Variants in KIF22 observed in about 807,000 individuals in gnomAD.
KIF22 encodes kinesin family member 22.
KIF22 carries 62 observed loss-of-function variants against 73.0 expected under a neutral mutation model. The observed-to-expected ratio is 0.85, with a 90% confidence interval of 0.69 to 1.05. The LOEUF (loss-of-function observed/expected upper bound fraction) is 1.05, where lower values mean the gene tolerates loss of function less well. Ranked by LOEUF, KIF22 falls within the 50% of genes least tolerant of loss-of-function variation. The pLI, the probability that KIF22 is intolerant of heterozygous loss-of-function variation, is 0.00. For synonymous variants in KIF22, 411 were observed against 340.1 expected, an observed-to-expected ratio of 1.21 and a Z score of -2.29; for missense variants, 854 against 870.1, an observed-to-expected ratio of 0.98 and a Z score of 0.23.
rs148950970 is a variant in KIF22 at position 29,791,163 on chromosome 16, T to C, written c.70+334T>C. The C allele has an allele frequency of 3.2e-3, 3,844 of 1,215,592 alleles. 70 individuals are homozygous for C. The Admixed American group carries it at 0.061, about 19-fold the overall frequency. The allele number at this position is 1,215,592 out of a possible 1,614,324, so 75.3% of individuals were successfully genotyped here. On this transcript the variant is annotated intron_variant, in intron 1 of 13. Coordinates refer to ENST00000160827, the MANE Select transcript of KIF22 (RefSeq NM_007317.3). The stretch of plus-strand genomic sequence containing the variant: ...GCCTCATCCCTGGAGATCACCTGAA[T>C]AAGCAAGAGAAGAGTGGCGGACGCT...
At chr16:29,793,752 TGTCA>T (rs1596842196) in intron 1 of KIF22, among the ~76,000 whole-genome samples, 1 of 151,982 alleles carries the variant, frequency 6.6e-6, no homozygotes, top group East Asian at 1.9e-4. Flanking sequence ...CAGCCCGAAA[TGTCA>T]GTAGTGCTGA....
At position 29,798,496 on chromosome 16, in the gene KIF22, G is replaced by T. The variant is rs753637180; in HGVS notation, c.389G>T (p.Gly130Val). 1.2e-6 allele frequency: 2 copies of T among 1,614,198 alleles called. No individual in the cohort carries two copies. The highest frequency in any genetic ancestry group is 2.2e-5 in the East Asian group (1 of 44,886). The change falls in exon 3 of 14, where the codon GGA (glycine) becomes GTA (valine). Residue 130 changes from glycine (G) to valine (V), a missense_variant. This residue lies in a region of KIF22 where 245 missense variants were observed against 351.8 expected (regional missense o/e 0.70). Transcript: ENST00000160827. The surrounding 1 kb of genome is among the most constrained non-coding windows in gnomAD (Gnocchi z 4.1). ...NASVLAYGPT[G>V]AGKTHTMLGS... ...AGTGTGCTTGCCTATGGACCCACAGGAGCTGGTGAGGGAGCCAGAAAAGAA... is the reference window on the plus strand; with the variant it reads ...AGTGTGCTTGCCTATGGACCCACAGTAGCTGGTGAGGGAGCCAGAAAAGAA...
chr16:29,804,863 G>GGGAGCTACAGATCAGCCC lies in KIF22; in HGVS notation c.1736_1753dup (p.Gln579_Leu584dup). 1.9e-6 allele frequency: 3 copies of GGGAGCTACAGATCAGCCC among 1,613,722 alleles called. No individual in the cohort carries two copies. The highest frequency in any genetic ancestry group is 2.5e-6 in the Non-Finnish European group (3 of 1,179,896). ...CCTGAGGAGAAGGCTGAGGACTGCTGGGAGCTACAGATCAGCCCGGAGCTA... is the reference window on the plus strand; with the variant it reads ...CCTGAGGAGAAGGCTGAGGACTGCTGGGAGCTACAGATCAGCCCGGAGCTACAGATCAGCCCGGAGCTA... On this transcript the variant is annotated inframe_insertion, in exon 12 of 14. Coordinates refer to ENST00000160827, the MANE Select transcript of KIF22 (RefSeq NM_007317.3).
rs1899076553 is a variant in KIF22 at position 29,799,914 on chromosome 16, C to T, written c.1146C>T (p.Ala382=). The T allele has an allele frequency of 6.2e-7, 1 of 1,614,052 alleles. No individual in the cohort carries two copies. The highest frequency in any genetic ancestry group is 8.5e-7 in the Non-Finnish European group (1 of 1,179,950). The change falls in exon 8 of 14, where the codon GCC becomes GCT. Residue 382 remains alanine, a splice_region_variant and synonymous_variant. Coordinates refer to ENST00000160827, the MANE Select transcript of KIF22 (RefSeq NM_007317.3). ...CCACCCCATCCTCCAATCATCTAGC[C>T]TTGGGACCTGTTAAGCTGTCTCAGA... ...PFTNESLQPH[A]LGPVKLSQKE...
At chr16:29,793,452 G>A (rs1898870541) in intron 1 of KIF22, among the ~76,000 whole-genome samples, 1 of 152,124 alleles carries the variant, frequency 6.6e-6, no homozygotes, top group African/African-American at 2.4e-5. Flanking sequence ...GGAGCCGTCA[G>A]GGCAGCCGTT....
intron 10 of KIF22, 134 bp from the exon 11 acceptor site, chr16:29,803,864 G>C: frequency 1.4e-6 from 1 of 735,766 alleles, no homozygotes; most frequent in Non-Finnish European, 2.4e-6. Flanking sequence ...TATAAAAAAG[G>C]TCATGTGGAA....
Position 29,798,912 on chromosome 16 carries a change from T to C in KIF22, c.550-63T>C. 4.5e-6 allele frequency: 7 copies of C among 1,572,300 alleles called. No individual in the cohort carries two copies. In the South Asian group the frequency reaches 5.6e-5, roughly 12 times the overall value. ...CGAGAATAGAACAGAGAAAGGAAACTGATCCCCAGGAAGAAACAGCCTCTC... is the reference window on the plus strand; with the variant it reads ...CGAGAATAGAACAGAGAAAGGAAACCGATCCCCAGGAAGAAACAGCCTCTC... On this transcript the variant is annotated intron_variant, in intron 4 of 13. Coordinates refer to ENST00000160827, the MANE Select transcript of KIF22 (RefSeq NM_007317.3). The surrounding 1 kb of genome is among the most constrained non-coding windows in gnomAD (Gnocchi z 4.1).
chr16:29,802,123 T>A (rs979729438), intron 8 of KIF22, among the ~76,000 whole-genome samples: 2 of 151,716 alleles, frequency 1.3e-5, no homozygotes, highest in African/African-American at 4.8e-5. Context: ...AAAAATTAGC[T>A]GGGCATGGTG....
At position 29,804,659 on chromosome 16, in the gene KIF22, CAG is replaced by C. The variant is rs558192153; in HGVS notation, c.1678-150_1678-149del. On this transcript the variant is annotated intron_variant, in intron 11 of 13. Transcript: ENST00000160827. ...ACTAGTTGCATAATAAGAATTAACC[CAG>C]AGAGTGACCTGAGGGCGGGATTTTG... 2.7e-4 allele frequency: 189 copies of C among 709,844 alleles called. 2 individuals are homozygous for C. In the African/African-American group the frequency reaches 3.0e-3, roughly 11 times the overall value. 44.0% of individuals were successfully genotyped at this position (709,844 alleles called of 1,614,324 possible).
At position 29,798,688 on chromosome 16, in the gene KIF22, G is replaced by A. The variant is rs200923972; in HGVS notation, c.490G>A (p.Glu164Lys). 43 of 1,614,194 alleles carry A rather than the reference G, an allele frequency of 2.7e-5. No homozygotes were observed. Among genetic ancestry groups the A allele is most frequent in the Middle Eastern group, 3.3e-4 (2 of 6,062 alleles). The change falls in exon 4 of 14, where the codon GAG becomes AAG. Residue 164 changes from glutamate to lysine, a missense_variant. Physicochemically the swap from Glu to Lys is moderately conservative, Grantham distance 56. This residue lies in a region of KIF22 where 245 missense variants were observed against 351.8 expected (regional missense o/e 0.70). Coordinates refer to ENST00000160827, the MANE Select transcript of KIF22 (RefSeq NM_007317.3). This position sits in a 1 kb window ranked among gnomAD's most constrained non-coding sequence, Gnocchi z 4.1. ...LLQLTREEGA[E>K]GRPWALSVTM... ...GCAGCTCACAAGGGAGGAGGGTGCCGAGGGCCGGCCATGGGCCCTTTCTGT... is the reference window on the plus strand; with the variant it reads ...GCAGCTCACAAGGGAGGAGGGTGCCAAGGGCCGGCCATGGGCCCTTTCTGT...
chr16:29,797,243 C>T lies in KIF22; in HGVS notation c.266+155C>T. ...CACTTAGGAAATGTTGACAGGTGCC[C>T]CCATGATGGGCCCTCTCTGGGATAC... On this transcript the variant is annotated intron_variant, in intron 2 of 13. Coordinates refer to ENST00000160827, the MANE Select transcript of KIF22 (RefSeq NM_007317.3). The surrounding 1 kb of genome is among the most constrained non-coding windows in gnomAD (Gnocchi z 4.1). 1 of 591,566 alleles carries T rather than the reference C, an allele frequency of 1.7e-6. No homozygotes were observed. Among genetic ancestry groups the T allele is most frequent in the Non-Finnish European group, 2.9e-6 (1 of 341,836 alleles). The allele number at this position is 591,566 out of a possible 1,614,324, so 36.6% of individuals were successfully genotyped here.
chr16:29,799,868 G>T, intron 7 of KIF22, 45 bp from the exon 8 acceptor site: 1 of 1,612,366 alleles, frequency 6.2e-7, no homozygotes, highest in South Asian at 1.1e-5. Flanking sequence ...CACAGAGGCT[G>T]ACCACCCCCA....
intron 10 of KIF22, 46 bp from the exon 11 acceptor site, chr16:29,803,951 GA>G (rs1427747936): frequency 2.1e-6 from 3 of 1,460,880 alleles, no homozygotes; most frequent in Non-Finnish European, 2.9e-6. Flanking sequence ...CAGGGAGGGT[GA>G]AAAGTACCCT....
At chr16:29,803,278 A>C (rs951009429) in intron 9 of KIF22, 171 bp from the exon 10 acceptor site, 2 of 740,944 alleles carry the variant, frequency 2.7e-6, no homozygotes, top group Non-Finnish European at 2.2e-6. Flanking sequence ...CCCCCTAATC[A>C]CAGAAAGCCC....
At chr16:29,794,159 G>C (rs1475255170) in intron 1 of KIF22, among the ~76,000 whole-genome samples, 1 of 152,200 alleles carries the variant, frequency 6.6e-6, no homozygotes, top group Non-Finnish European at 1.5e-5. Context: ...GGGCTAAGGA[G>C]GCTGAGGAGG....
chr16:29,799,266 G>A lies in KIF22; in HGVS notation c.762G>A (p.Val254=). 2.5e-6 allele frequency: 4 copies of A among 1,613,470 alleles called. No homozygotes were observed. In the South Asian group the frequency reaches 4.4e-5, roughly 18 times the overall value. ...GAGACCTTTGTTCTTACCCCCAGGT[G>A]GACCAGCGGGAACGTTTGGCCCCAT... The part of the protein sequence containing the change: ...SRSHAVLLVK[V]DQRERLAPFR... Residue 254 remains valine (V), a splice_region_variant and synonymous_variant, in exon 6 of 14, where the codon GTG becomes GTA. Coordinates refer to ENST00000160827, the MANE Select transcript of KIF22 (RefSeq NM_007317.3).
chr16:29,797,364 G>A lies in KIF22; in HGVS notation c.266+276G>A, dbSNP rs569258251. The stretch of plus-strand genomic sequence containing the variant: ...AGCAGGTGAGCCCCAAGTAGAGGCT[G>A]GGGGACATATCAGGAGGGTTGGCGG... On this transcript the variant is annotated intron_variant, in intron 2 of 13. Coordinates refer to ENST00000160827, the MANE Select transcript of KIF22 (RefSeq NM_007317.3). The surrounding 1 kb of genome is among the most constrained non-coding windows in gnomAD (Gnocchi z 4.1). 2.2e-4 allele frequency among the ~76,000 whole-genome samples: 33 copies of A among 152,214 alleles called. No homozygotes were observed. Among genetic ancestry groups the A allele is most frequent in the South Asian group, 6.2e-4 (3 of 4,826 alleles).
In KIF22 at chr16:29,799,048, C is replaced by A. The variant is rs190757548; in HGVS notation, c.623C>A (p.Pro208Gln). The change falls in exon 5 of 14, where the codon CCG becomes CAG. Residue 208 changes from proline to glutamine, a missense_variant. Physicochemically the swap from Pro to Gln is moderately conservative, Grantham distance 76 (BLOSUM62 -1). Coordinates refer to ENST00000160827, the MANE Select transcript of KIF22 (RefSeq NM_007317.3). ...REDCRGNILI[P>Q]GLSQKPISSF... ...GACTGCCGGGGGAATATCCTGATTCCGGGTCTCTCCCAGAAGCCCATCAGT... is the reference window on the plus strand; with the variant it reads ...GACTGCCGGGGGAATATCCTGATTCAGGGTCTCTCCCAGAAGCCCATCAGT... The A allele has an allele frequency of 1.9e-6, 3 of 1,614,164 alleles. No individual in the cohort carries two copies. Among genetic ancestry groups the A allele is most frequent in the Non-Finnish European group, 2.5e-6 (3 of 1,180,026 alleles).
At chr16:29,793,296 T>A (rs1199448226) in intron 1 of KIF22, among the ~76,000 whole-genome samples, 1 of 152,104 alleles carries the variant, frequency 6.6e-6, no homozygotes, top group Non-Finnish European at 1.5e-5. Flanking sequence ...AAAAATTAGC[T>A]GGGCGTGGTG....
Sources: gnomAD v4.1 joint callset for allele counts (sites outside exome capture counted in the v4.1 genomes callset) on GRCh38, gnomAD v4.1.1 for gene constraint, gnomAD v4.1.1 regional missense constraint, Gnocchi (gnomAD v3.1) non-coding constraint, MANE v1.5 for transcripts, NCBI Gene and HGNC (gene_info 2026-07-23, HGNC 2026-07-21) for gene names.